Variants in MINDY4 observed in about 807,000 individuals in gnomAD.
MINDY4 encodes the protein MINDY lysine 48 deubiquitinase 4, also known as probable ubiquitin carboxyl-terminal hydrolase MINDY-4.
MINDY4 carries 68 observed loss-of-function variants against 87.0 expected under a neutral mutation model. That is an observed-to-expected ratio of 0.78 (90% confidence interval 0.64 to 0.96). The LOEUF (loss-of-function observed/expected upper bound fraction) is 0.96. MINDY4 is among the 40% of genes least tolerant of loss of function. The pLI is 0.00. For missense variants in MINDY4, 919 were observed against 928.2 expected (o/e 0.99, Z 0.13); for synonymous variants, 379 against 363.2 (o/e 1.04, Z -0.50).
intron 15 of MINDY4, among the ~76,000 whole-genome samples, chr7:30,877,913 C>G (rs1045593647): frequency 7.2e-6 from 1 of 139,692 alleles, no homozygotes; most frequent in African/African-American, 2.6e-5. Flanking sequence ...CTCCTGACCT[C>G]AAGTGATCCA....
intron 5 of MINDY4, among the ~76,000 whole-genome samples, chr7:30,813,846 A>G (rs1788076612): frequency 6.6e-6 from 1 of 152,164 alleles, no homozygotes; most frequent in Non-Finnish European, 1.5e-5. Flanking sequence ...TGCCCAGAAA[A>G]CAGTCATTTC....
In MINDY4 at chr7:30,816,251, T is replaced by C. The variant is rs943418330; in HGVS notation, c.1074-12428T>C. On this transcript the variant is annotated intron_variant, in intron 5 of 17. Transcript: ENST00000265299. ...GGAAGGTCACATCTTTGTACAGTTT[T>C]GTTTTGCAAACTGTATGCCCTTGAA... 4.6e-5 allele frequency among the ~76,000 whole-genome samples: 7 copies of C among 151,660 alleles called. No individual in the cohort carries two copies. In the Middle Eastern group the frequency reaches 0.01, roughly 221 times the overall value.
intron 7 of MINDY4, among the ~76,000 whole-genome samples, 184 bp downstream of exon 7, chr7:30,836,948 T>G (rs11975654): frequency 0.11 from 17,115 of 152,148 alleles, 1,360 homozygotes; most frequent in African/African-American, 0.22. Context: ...GTCTAGTCCT[T>G]GCAGCTCTCG....
intron 5 of MINDY4, among the ~76,000 whole-genome samples, chr7:30,828,154 A>G (rs761205013): frequency 4.4e-4 from 67 of 152,210 alleles, no homozygotes; most frequent in Non-Finnish European, 6.6e-4. Context: ...TTTAAGTAAC[A>G]GGAAGATACA....
chr7:30,817,473 C>T (rs548447357), intron 5 of MINDY4, among the ~76,000 whole-genome samples: 15 of 151,262 alleles, frequency 9.9e-5, no homozygotes, highest in East Asian at 5.8e-4. Flanking sequence ...ACTGCTTCTC[C>T]AGCAGTTCAG....
intron 17 of MINDY4, among the ~76,000 whole-genome samples, chr7:30,884,381 C>A (rs544393719): frequency 6.6e-6 from 1 of 152,186 alleles, no homozygotes; most frequent in Non-Finnish European, 1.5e-5. Flanking sequence ...GTGCTTCTTT[C>A]GTCGGGAGGA....
At chr7:30,819,669 G>A (rs1043454890) in intron 5 of MINDY4, among the ~76,000 whole-genome samples, 12 of 152,126 alleles carry the variant, frequency 7.9e-5, no homozygotes, top group African/African-American at 2.6e-4. Context: ...GTTGTTAGGA[G>A]CATAGAGTTT....
At chr7:30,838,088 A>C (rs1309807566) in intron 7 of MINDY4, among the ~76,000 whole-genome samples, 1 of 152,176 alleles carries the variant, frequency 6.6e-6, no homozygotes. Context: ...GGGCTCACTC[A>C]AGGCTTCAGA....
At chr7:30,787,883 G>T (rs1787200979) in intron 4 of MINDY4, among the ~76,000 whole-genome samples, 1 of 151,928 alleles carries the variant, frequency 6.6e-6, no homozygotes, top group Non-Finnish European at 1.5e-5. Flanking sequence ...TGTTTATGTG[G>T]GTGTGTCTAT....
chr7:30,777,011 T>G (rs1022994018), intron 1 of MINDY4, among the ~76,000 whole-genome samples: 6 of 119,330 alleles, frequency 5.0e-5, no homozygotes, highest in African/African-American at 2.1e-4. Flanking sequence ...TCTTTTTCTT[T>G]TTCTTTTTTT....
intron 4 of MINDY4, among the ~76,000 whole-genome samples, chr7:30,788,984 T>C (rs1787239801): frequency 6.6e-6 from 1 of 152,234 alleles, no homozygotes; most frequent in African/African-American, 2.4e-5. Flanking sequence ...TGGGCACTAG[T>C]GGAGTTTGTT....
chr7:30,778,615 A>G (rs773459624), intron 2 of MINDY4, 64 bp downstream of exon 2: 6 of 1,593,788 alleles, frequency 3.8e-6, no homozygotes, highest in East Asian at 2.2e-5. Flanking sequence ...CAAAGCACTC[A>G]TGGGCCCTGC....
intron 5 of MINDY4, among the ~76,000 whole-genome samples, chr7:30,822,003 C>G (rs550274896): frequency 3.9e-5 from 6 of 152,052 alleles, no homozygotes; most frequent in Non-Finnish European, 8.8e-5. Flanking sequence ...CTCCTCCTCC[C>G]CAATATATAT....
chr7:30,861,887 T>C (rs1789778145), intron 13 of MINDY4, among the ~76,000 whole-genome samples: 2 of 152,218 alleles, frequency 1.3e-5, no homozygotes, highest in African/African-American at 4.8e-5. Flanking sequence ...ACACTCACCC[T>C]TGGCAGGCAT....
At chr7:30,771,803 G>A (rs1786644509) in intron 1 of MINDY4, among the ~76,000 whole-genome samples, 1 of 152,236 alleles carries the variant, frequency 6.6e-6, no homozygotes, top group Non-Finnish European at 1.5e-5. Flanking sequence ...CTGCCCTCCT[G>A]GGGCATCCGC....
chr7:30,877,567 CCT>C (rs1790299752), intron 15 of MINDY4, among the ~76,000 whole-genome samples: 1 of 152,090 alleles, frequency 6.6e-6, no homozygotes. Flanking sequence ...GCCCTGGCCT[CCT>C]CTCCTCCTCC....
At chr7:30,882,882 C>T in intron 16 of MINDY4, 39 bp from the exon 17 acceptor site, 1 of 1,596,922 alleles carries the variant, frequency 6.3e-7, no homozygotes, top group Non-Finnish European at 8.6e-7. Flanking sequence ...GAGTGCAGGG[C>T]CCTGGGTGAC....
chr7:30,871,278 G>A (rs1790100031), intron 13 of MINDY4, among the ~76,000 whole-genome samples: 1 of 152,230 alleles, frequency 6.6e-6, no homozygotes, highest in Non-Finnish European at 1.5e-5. Flanking sequence ...CTTCATTCGG[G>A]TCTGGGGGTT....
At chr7:30,835,957 C>T (rs188551834) in intron 6 of MINDY4, among the ~76,000 whole-genome samples, 3 of 152,338 alleles carry the variant, frequency 2.0e-5, no homozygotes, top group East Asian at 1.9e-4. Flanking sequence ...ATATGGCTTA[C>T]GGTCCCTGCT....
Sources: gnomAD v4.1 joint callset for allele counts (sites outside exome capture counted in the v4.1 genomes callset) on GRCh38, gnomAD v4.1.1 for gene constraint, MANE v1.5 for transcripts, NCBI Gene and HGNC (gene_info 2026-07-23, HGNC 2026-07-21) for gene names.